The following WNT5A variants were observed in gnomAD, a reference collection of about 807,000 sequenced individuals.
The protein encoded by WNT5A is protein Wnt-5a.
Under a neutral mutation model 42.1 loss-of-function variants are expected in WNT5A, and 9 were observed. The ratio of observed to expected loss-of-function variants is 0.21; its 90% CI spans 0.13 to 0.37. WNT5A has a LOEUF of 0.37. Among genes scored for constraint, WNT5A ranks in the 10% least tolerant of loss-of-function variants. The pLI is 1.00. For missense variants in WNT5A, 426 were observed against 534.0 expected (o/e 0.80, Z 1.99); for synonymous variants, 210 against 210.0 (o/e 1.00, Z 0.00).
At position 55,470,070 on chromosome 3, in the gene WNT5A, G is replaced by A; in HGVS notation, c.*22C>T. 1 of 1,613,574 alleles carries A rather than the reference G, an allele frequency of 6.2e-7. No individual in the cohort carries two copies. The highest frequency in any genetic ancestry group is 1.1e-5 in the South Asian group (1 of 91,066). On this transcript the variant is annotated 3_prime_UTR_variant, in exon 5 of 5. Coordinates refer to ENST00000264634, the MANE Select transcript of WNT5A (RefSeq NM_003392.7). ...TAAATAAGCGGGTCCTGGGAGCGGG[G>A]CTGAGTGCTGGGTGGCACCCACTAC...
chr3:55,488,413 GA>G (rs397989683), upstream of WNT5A: 25,855 of 109,496 alleles, frequency 0.24, 2,757 homozygotes, highest in African/African-American at 0.33. Flanking sequence ...TCAGAAGGAA[GA>G]AAAAAAAAAA....
At chr3:55,489,307 A>G (rs952032469), upstream of WNT5A, 10 of 152,062 alleles carry the variant, frequency 6.6e-5, no homozygotes, top group African/African-American at 2.4e-5. Context: ...ACACACACAC[A>G]CACACACACA....
chr3:55,481,446 G>A, intron 1 of WNT5A: 1 of 969,836 alleles, frequency 1.0e-6, no homozygotes, highest in African/African-American at 1.8e-5. Flanking sequence ...CAGCGCGGGG[G>A]GTGGAGGATG....
chr3:55,485,141 G>A (rs2051552227), intron 1 of WNT5A, among the ~76,000 whole-genome samples: 2 of 151,896 alleles, frequency 1.3e-5, no homozygotes, highest in South Asian at 2.1e-4. Context: ...CCTGCTGGGA[G>A]AGTGGGGTCT....
chr3:55,473,547 C>A lies in WNT5A; in HGVS notation c.684+790G>T, dbSNP rs563615489. ...AGGAAAGAGCGGGAACCAGGAGACT[C>A]GTGAGGACTGCAAAGATGGTCCTCC... On this transcript the variant is annotated intron_variant, in intron 4 of 4. Transcript: ENST00000264634. 2.0e-5 allele frequency among the ~76,000 whole-genome samples: 3 copies of A among 152,318 alleles called. No individual in the cohort carries two copies. The South Asian group carries it at 6.2e-4, about 32-fold the overall frequency.
At chr3:55,491,302 T>G (rs1017616425), upstream of WNT5A, among the ~76,000 whole-genome samples, 3 of 152,152 alleles carry the variant, frequency 2.0e-5, no homozygotes, top group African/African-American at 7.2e-5. Context: ...CCAATGCCTC[T>G]CCATCTGTGA....
intron 3 of WNT5A, among the ~76,000 whole-genome samples, chr3:55,477,399 T>C (rs2051377522): frequency 6.6e-6 from 1 of 152,180 alleles, no homozygotes; most frequent in African/African-American, 2.4e-5. Context: ...TCTGAGACGC[T>C]AGGCACTTGG....
At position 55,483,199 on chromosome 3, in the gene WNT5A, T is replaced by C. The variant is rs557872409; in HGVS notation, c.7-2281A>G. ...GCCAACTGAGAGCGGGCCCATCCGG[T>C]CACCAAGACTTGGGTCTCCCTGGCT... On this transcript the variant is annotated intron_variant, in intron 1 of 4. Coordinates refer to ENST00000264634, the MANE Select transcript of WNT5A (RefSeq NM_003392.7). The surrounding 1 kb of genome is among the most constrained non-coding windows in gnomAD (Gnocchi z 4.2). 6.6e-6 allele frequency among the ~76,000 whole-genome samples: 1 copy of C among 152,148 alleles called. No individual in the cohort carries two copies. Among genetic ancestry groups the C allele is most frequent in the South Asian group, 2.1e-4 (1 of 4,812 alleles).
intron 1 of WNT5A, among the ~76,000 whole-genome samples, chr3:55,485,802 G>A (rs1319436093): frequency 6.6e-6 from 1 of 152,170 alleles, no homozygotes; most frequent in Non-Finnish European, 1.5e-5. Context: ...ACCAGACAGG[G>A]ATTAGAAAGT....
At chr3:55,477,386 A>T (rs147934008) in intron 3 of WNT5A, among the ~76,000 whole-genome samples, 7 of 152,156 alleles carry the variant, frequency 4.6e-5, no homozygotes, top group Non-Finnish European at 1.0e-4. Context: ...AGCAGCTTTC[A>T]GCTCTGAGAC....
chr3:55,498,886 A>G, the WNT5A span, among the ~76,000 whole-genome samples: 5 of 152,330 alleles, frequency 3.3e-5, no homozygotes, highest in South Asian at 8.3e-4. Flanking sequence ...TCATATAACA[A>G]AAGCAACACT....
At chr3:55,489,293 G>GCACGCACACACA, upstream of WNT5A, 1 of 148,698 alleles carries the variant, frequency 6.7e-6, no homozygotes, top group East Asian at 2.0e-4. Flanking sequence ...ACACACGCGC[G>GCACGCACACACA]CACACACACA....
At chr3:55,488,881 T>A (rs2051623303), upstream of WNT5A, among the ~76,000 whole-genome samples, 1 of 152,120 alleles carries the variant, frequency 6.6e-6, no homozygotes, top group African/African-American at 2.4e-5. Flanking sequence ...TTCTTACCTC[T>A]GGGGGAGGAT....
the WNT5A span, among the ~76,000 whole-genome samples, chr3:55,499,975 C>G: frequency 1.5e-5 from 1 of 65,230 alleles, no homozygotes; most frequent in African/African-American, 1.3e-4. Context: ...ACTCCATCCC[C>G]CCTCCAAAAA....
chr3:55,470,906 C>T (rs897981380), intron 4 of WNT5A, among the ~76,000 whole-genome samples: 11 of 152,084 alleles, frequency 7.2e-5, no homozygotes, highest in African/African-American at 2.7e-4. Flanking sequence ...ATTAATCCCC[C>T]GTACCAGCTA....
chr3:55,484,685 TACACACACACACACACACACACAC>T (rs67013864), intron 1 of WNT5A, among the ~76,000 whole-genome samples: 12 of 137,896 alleles, frequency 8.7e-5, no homozygotes, highest in African/African-American at 1.3e-4. Flanking sequence ...GGCCCCAGGA[TACACACACACACACACACACACAC>T]ACACACACAC....
chr3:55,474,452 T>C lies in WNT5A; in HGVS notation c.569A>G (p.Tyr190Cys), dbSNP rs2051311619. Residue 190 changes from tyrosine (Y) to cysteine (C), a missense_variant, in exon 4 of 5, where the codon TAC (tyrosine) becomes TGC (cysteine). By Grantham distance (194) the Tyr-to-Cys change is radical (BLOSUM62 -2). Coordinates refer to ENST00000264634, the MANE Select transcript of WNT5A (RefSeq NM_003392.7). ...GTCCACGAACTCCTTGGCAAAGCGG[T>C]AGCCATAGTCGATGTTGTCGCCGCA... The part of the protein sequence containing the change: ...GGCGDNIDYG[Y>C]RFAKEFVDAR... 2 of 1,609,370 alleles carry C rather than the reference T, an allele frequency of 1.2e-6. No homozygotes were observed. The highest frequency in any genetic ancestry group is 8.5e-7 in the Non-Finnish European group (1 of 1,178,794).
rs1412551514 is a variant in WNT5A at position 55,480,838 on chromosome 3, A to G, written c.87T>C (p.Ala29=). ...SAMSSKFFLV[A]LAIFFSFAQV... is the part of the protein sequence containing the mutation. ...GGGCGAAGGAGAAAAATATGGCCAA[A>G]GCCACTAGGAAGAACTTGGAAGACA... Residue 29 remains alanine (A), a synonymous_variant, in exon 2 of 5, where the codon GCT becomes GCC. Coordinates refer to ENST00000264634, the MANE Select transcript of WNT5A (RefSeq NM_003392.7). 6.3e-7 allele frequency: 1 copy of G among 1,584,840 alleles called. No homozygotes were observed. The highest frequency in any genetic ancestry group is 8.6e-7 in the Non-Finnish European group (1 of 1,164,148).
intron 1 of WNT5A, among the ~76,000 whole-genome samples, chr3:55,484,685 TACAC>T (rs67013864): frequency 0.052 from 7,120 of 137,788 alleles, 218 homozygotes; most frequent in East Asian, 0.096. Flanking sequence ...GGCCCCAGGA[TACAC>T]ACACACACAC....
Sources: allele counts gnomAD v4.1 joint callset (sites outside exome capture counted in the v4.1 genomes callset), GRCh38; gene constraint gnomAD v4.1.1; non-coding constraint Gnocchi (gnomAD v3.1); transcripts MANE v1.5; gene names NCBI Gene and HGNC (gene_info 2026-07-23, HGNC 2026-07-21).